OPHN1: variants seen among roughly 807,000 people sequenced by gnomAD.
OPHN1 encodes oligophrenin-1.
Under a neutral mutation model 60.7 loss-of-function variants are expected in OPHN1, and 11 were observed. That is an observed-to-expected ratio of 0.18 (90% CI 0.11 to 0.30). OPHN1 has a LOEUF of 0.30. Ranked by LOEUF, OPHN1 falls within the 10% of genes least tolerant of loss-of-function variation. The probability of loss-of-function intolerance (pLI) is 1.00; values close to 1 mark genes in which losing one functional copy is unlikely to be tolerated. For synonymous variants in OPHN1, 226 were observed against 222.6 expected, an observed-to-expected ratio of 1.02 and a Z score of -0.14; for missense variants, 449 against 611.0, an observed-to-expected ratio of 0.73 and a Z score of 2.80.
intron 2 of OPHN1, among the ~76,000 whole-genome samples, chrX:68,330,700 C>T (rs7887146): frequency 0.082 from 8,767 of 106,720 alleles, 909 homozygotes; most frequent in African/African-American, 0.28. Flanking sequence ...ATCTAAAATT[C>T]GAAAAAGAAC....
chrX:68,363,544 T>A (rs1176278833), intron 2 of OPHN1, among the ~76,000 whole-genome samples: 1 of 110,922 alleles, frequency 9.0e-6, no homozygotes, highest in Non-Finnish European at 1.9e-5. Flanking sequence ...ACTCCTGACC[T>A]CAGATGAGCT....
At chrX:68,186,263 G>C (rs983263235) in intron 15 of OPHN1, among the ~76,000 whole-genome samples, 2 of 111,161 alleles carry the variant, frequency 1.8e-5, no homozygotes, top group Non-Finnish European at 3.8e-5. Flanking sequence ...AGATTACTAT[G>C]TTGAATGAAT....
At chrX:68,056,614 T>C (rs776151808) in intron 21 of OPHN1, among the ~76,000 whole-genome samples, 3 of 111,519 alleles carry the variant, frequency 2.7e-5, no homozygotes, top group South Asian at 7.6e-4. Context: ...AAAATGATAA[T>C]AATAATCCAA....
At position 68,327,817 on chromosome X, in the gene OPHN1, AT is replaced by A. The variant is rs1156937891; in HGVS notation, c.155-28722del. ...AAAAATAAAAAAAAAAAAAAAAAAA[AT>A]TTTAAACTTTTTTTTTTTTTTTGAG... On this transcript the variant is annotated intron_variant, in intron 2 of 24. Coordinates refer to ENST00000355520, the MANE Select transcript of OPHN1 (RefSeq NM_002547.3). 2.2e-4 allele frequency among the ~76,000 whole-genome samples: 20 copies of A among 91,191 alleles called. No homozygotes were observed. In the South Asian group the frequency reaches 6.7e-3, roughly 31 times the overall value. The allele number at this position is 91,191 out of a possible 115,157, so 79.2% of individuals were successfully genotyped here.
At chrX:68,380,650 A>G (rs1394131560) in intron 2 of OPHN1, among the ~76,000 whole-genome samples, 1 of 111,281 alleles carries the variant, frequency 9.0e-6, no homozygotes, top group Non-Finnish European at 1.9e-5. Context: ...CATTGGTTTC[A>G]AAGAACATCT....
In OPHN1 at chrX:68,197,217, A is replaced by T. The variant is rs745478793; in HGVS notation, c.1073T>A (p.Leu358Gln). ...TTTCCCATCCATGGCTTCCATCCAT[A>T]GCCTTCTGTTAGCTTCTGAAAGGGC... ...LQALSEANRR[L>Q]WMEAMDGKEP... is the part of the protein sequence containing the mutation. Residue 358 changes from leucine to glutamine, a missense_variant, in exon 12 of 25, where the codon CTA (leucine) becomes CAA (glutamine). By Grantham distance (113) the Leu-to-Gln change is moderately radical. Coordinates refer to ENST00000355520, the MANE Select transcript of OPHN1 (RefSeq NM_002547.3). The T allele has an allele frequency of 3.8e-5, 46 of 1,207,996 alleles. No homozygotes were observed. The highest frequency in any genetic ancestry group is 4.2e-5 in the Non-Finnish European group (38 of 894,178).
chrX:68,376,494 T>C lies in OPHN1; in HGVS notation c.154+56373A>G, dbSNP rs906978196. Among the ~76,000 whole-genome samples, 15 of 110,953 alleles carry C rather than the reference T, an allele frequency of 1.4e-4. No homozygotes were observed. The Admixed American group carries it at 1.5e-3, about 11-fold the overall frequency. On this transcript the variant is annotated intron_variant, in intron 2 of 24. Transcript: ENST00000355520. ...AAACAGAGATAAAGAAAGAGAAAGA[T>C]CATGGAACTACACATGGTTCTGTTT...
At chrX:68,288,421 T>C (rs1400165493) in intron 3 of OPHN1, among the ~76,000 whole-genome samples, 3 of 111,155 alleles carry the variant, frequency 2.7e-5, no homozygotes, top group African/African-American at 9.8e-5. Context: ...TCTCCAAATA[T>C]CCTCATATTC....
At position 68,054,632 on chromosome X, in the gene OPHN1, T is replaced by A. The variant is rs963509476; in HGVS notation, c.2159-822A>T. Among the ~76,000 whole-genome samples the A allele has an allele frequency of 1.2e-4, 13 of 110,846 alleles. 1 individual carries two copies. The highest frequency in any genetic ancestry group is 1.7e-4 in the Non-Finnish European group (9 of 52,980). ...AATTGGCACAAAAACATGCATCTTA[T>A]CAGAAAAAAAATCAGACTTAACCAT... On this transcript the variant is annotated intron_variant, in intron 21 of 24. Transcript: ENST00000355520.
At chrX:68,395,058 C>A (rs1480600424) in intron 2 of OPHN1, among the ~76,000 whole-genome samples, 1 of 110,687 alleles carries the variant, frequency 9.0e-6, no homozygotes, top group South Asian at 3.9e-4. Flanking sequence ...CAGACTCAAG[C>A]GATTCTCATG....
At chrX:68,203,921 T>G (rs541592926) in intron 10 of OPHN1, among the ~76,000 whole-genome samples, 5 of 113,187 alleles carry the variant, frequency 4.4e-5, no homozygotes, top group African/African-American at 1.6e-4. Flanking sequence ...GCACGTAATA[T>G]TAAAATGTCC....
In OPHN1 at chrX:68,053,665, C is replaced by T. The variant is rs1389490730; in HGVS notation, c.2304G>A (p.Ala768=). 7 of 1,211,371 alleles carry T rather than the reference C, an allele frequency of 5.8e-6. No individual in the cohort carries two copies. Among genetic ancestry groups the T allele is most frequent in the South Asian group, 3.5e-5 (2 of 56,859 alleles). Residue 768 remains alanine, a synonymous_variant, in exon 22 of 25, where the codon GCG becomes GCA. Coordinates refer to ENST00000355520, the MANE Select transcript of OPHN1 (RefSeq NM_002547.3). ...CTTACACAGATGATGTGATTTCCCC[C>T]GCATTGCCAGCCACAATATCTGGCT... is the stretch of plus-strand genomic sequence containing the variant. The part of the protein sequence containing the change: ...EPKPDIVAGN[A]GEITSSVVAS...
chrX:68,382,392 A>G (rs927643307), intron 2 of OPHN1, among the ~76,000 whole-genome samples: 1 of 111,648 alleles, frequency 9.0e-6, no homozygotes, highest in Admixed American at 9.6e-5. Context: ...CTATGGCACC[A>G]GATGGCCTAA....
At chrX:68,371,193 A>T (rs1160385478) in intron 2 of OPHN1, among the ~76,000 whole-genome samples, 1 of 107,347 alleles carries the variant, frequency 9.3e-6, no homozygotes, top group East Asian at 2.9e-4. Flanking sequence ...TTTTTCCTAT[A>T]CCTTTCAAGT....
intron 19 of OPHN1, among the ~76,000 whole-genome samples, chrX:68,076,145 T>A (rs951150733): frequency 9.1e-6 from 1 of 110,449 alleles, no homozygotes. Flanking sequence ...AGTAAATCAG[T>A]TTTTAAAGAA....
At chrX:68,323,475 G>T (rs1179013658) in intron 2 of OPHN1, among the ~76,000 whole-genome samples, 2 of 111,541 alleles carry the variant, frequency 1.8e-5, no homozygotes, top group African/African-American at 6.5e-5. Context: ...CTGCTTATTT[G>T]TATCGTTAGC....
At chrX:68,154,054 G>A (rs2077297910) in intron 15 of OPHN1, among the ~76,000 whole-genome samples, 1 of 112,457 alleles carries the variant, frequency 8.9e-6, no homozygotes, top group Admixed American at 9.4e-5. Context: ...AAACACTGCT[G>A]TAGACAAAGA....
intron 5 of OPHN1, among the ~76,000 whole-genome samples, chrX:68,256,720 C>A (rs765857842): frequency 8.9e-6 from 1 of 111,816 alleles, no homozygotes; most frequent in East Asian, 2.8e-4. Flanking sequence ...TTTACATATA[C>A]ATTTTGTTTT....
In OPHN1 at chrX:68,193,006, A is replaced by G; in HGVS notation, c.1202-13T>C. On this transcript the variant is annotated splice_polypyrimidine_tract_variant and intron_variant, in intron 14 of 24. Transcript: ENST00000355520. ...TCTGTCTTGATCCCTAGTGGAGGAA[A>G]AAATCAGGTTAATTTCACTTGTATA... 8.5e-7 allele frequency: 1 copy of G among 1,182,912 alleles called. No homozygotes were observed. Among genetic ancestry groups the G allele is most frequent in the Non-Finnish European group, 1.2e-6 (1 of 869,305 alleles).
Sources: gnomAD v4.1 joint callset for allele counts (sites outside exome capture counted in the v4.1 genomes callset) on GRCh38, gnomAD v4.1.1 for gene constraint, MANE v1.5 for transcripts, NCBI Gene and HGNC (gene_info 2026-07-23, HGNC 2026-07-21) for gene names.